The following PTPRQ variants were observed in gnomAD, a reference collection of about 807,000 sequenced individuals.
PTPRQ encodes the protein protein tyrosine phosphatase receptor type Q.
A neutral mutation model predicts 246.0 loss-of-function variants in PTPRQ; 199 were observed. That is an observed-to-expected ratio of 0.81 (90% CI 0.72 to 0.91). PTPRQ has a LOEUF of 0.91. Among genes scored for constraint, PTPRQ ranks in the 40% least tolerant of loss-of-function variants. The pLI is 0.00. For missense variants in PTPRQ, 2,624 were observed against 2,528.4 expected (o/e 1.04, Z -0.81); for synonymous variants, 869 against 853.2 (o/e 1.02, Z -0.32).
At chr12:80,467,763 A>C (rs1371559139) in intron 6 of PTPRQ, among the ~76,000 whole-genome samples, 1 of 151,880 alleles carries the variant, frequency 6.6e-6, no homozygotes, top group African/African-American at 2.4e-5. Flanking sequence ...AAGAACAAAA[A>C]ACCAAACACC....
chr12:80,517,737 A>G (rs1411773246), intron 17 of PTPRQ, among the ~76,000 whole-genome samples: 1 of 152,052 alleles, frequency 6.6e-6, no homozygotes, highest in Non-Finnish European at 1.5e-5. Context: ...AGCATCCACA[A>G]ATAAATGAGA....
intron 25 of PTPRQ, among the ~76,000 whole-genome samples, chr12:80,585,916 A>T (rs1897601552): frequency 8.2e-6 from 1 of 121,808 alleles, no homozygotes; most frequent in Non-Finnish European, 1.6e-5. Flanking sequence ...CCAGAGTGTG[A>T]TGTTCCCCTT....
chr12:80,639,073 CA>C (rs1197868386), intron 35 of PTPRQ, among the ~76,000 whole-genome samples: 1 of 152,180 alleles, frequency 6.6e-6, no homozygotes, highest in African/African-American at 2.4e-5. Context: ...GCAAGATCAG[CA>C]GACACAGACA....
At chr12:80,562,223 A>G (rs1896848908) in intron 25 of PTPRQ, among the ~76,000 whole-genome samples, 1 of 152,150 alleles carries the variant, frequency 6.6e-6, no homozygotes, top group Non-Finnish European at 1.5e-5. Context: ...TTGCATCTAT[A>G]TTTATGAAAA....
Position 80,546,565 on chromosome 12 carries a change from G to T in PTPRQ, c.3883G>T (p.Gly1295Ter). The change falls in exon 24 of 45, where the codon GGA (glycine) becomes TGA (stop). Residue 1295 changes from glycine to a stop codon, truncating the protein, a stop_gained. Coordinates refer to ENST00000644991, the MANE Select transcript of PTPRQ (RefSeq NM_001145026.2). LOFTEE classifies it high-confidence loss of function. ...TDTIYYKNIS[G>*]FKTEAKLVGL... is the part of the protein sequence containing the mutation. ...TTTTTCTGTTTTTCAGAATATATCA[G>T]GATTTAAAACTGAAGCCAAACTTGT... The T allele has an allele frequency of 1.3e-6, 2 of 1,546,318 alleles. No individual in the cohort carries two copies. Among genetic ancestry groups the T allele is most frequent in the African/African-American group, 1.4e-5 (1 of 72,808 alleles).
At chr12:80,492,604 C>T (rs1335184489) in intron 9 of PTPRQ, among the ~76,000 whole-genome samples, 1 of 151,932 alleles carries the variant, frequency 6.6e-6, no homozygotes, top group Non-Finnish European at 1.5e-5. Flanking sequence ...CATCCATAAT[C>T]TGTTCCTGAT....
chr12:80,649,059 G>A (rs1183841049), intron 36 of PTPRQ, 136 bp downstream of exon 36: 1 of 808,042 alleles, frequency 1.2e-6, no homozygotes, highest in Non-Finnish European at 1.8e-6. Flanking sequence ...AATCATAAAA[G>A]CATGACTAAT....
At chr12:80,617,913 G>C (rs1301200728) in intron 30 of PTPRQ, among the ~76,000 whole-genome samples, 1 of 151,282 alleles carries the variant, frequency 6.6e-6, no homozygotes, top group Non-Finnish European at 1.5e-5. Context: ...GAGAATCTCA[G>C]AACTACCTGA....
chr12:80,534,904 C>T lies in PTPRQ; in HGVS notation c.2852C>T (p.Pro951Leu). ...FQTPEGAPSD[P>L]PKDVYYANLS... ...ATTTGTTTTATAGCACCAAGCGATC[C>T]TCCCAAAGATGTTTATTATGCAAAC... Residue 951 changes from proline to leucine, a missense_variant, in exon 19 of 45, where the codon CCT becomes CTT. Coordinates refer to ENST00000644991, the MANE Select transcript of PTPRQ (RefSeq NM_001145026.2). 1 of 1,548,286 alleles carries T rather than the reference C, an allele frequency of 6.5e-7. No homozygotes were observed. The highest frequency in any genetic ancestry group is 8.7e-7 in the Non-Finnish European group (1 of 1,145,658).
rs886463515 is a variant in PTPRQ at position 80,577,773 on chromosome 12, C to A, written c.4286-10356C>A. 3.3e-5 allele frequency among the ~76,000 whole-genome samples: 5 copies of A among 152,128 alleles called. No homozygotes were observed. In the East Asian group the frequency reaches 9.6e-4, roughly 29 times the overall value. ...CAAAACAATTTTAAAATATCTTACT[C>A]CTATTTCATGCACATTGAATACATT... On this transcript the variant is annotated intron_variant, in intron 25 of 44. Coordinates refer to ENST00000644991, the MANE Select transcript of PTPRQ (RefSeq NM_001145026.2).
At chr12:80,572,866 TG>T (rs2120961834) in intron 25 of PTPRQ, among the ~76,000 whole-genome samples, 1 of 152,332 alleles carries the variant, frequency 6.6e-6, no homozygotes, top group African/African-American at 2.4e-5. Flanking sequence ...CTTGATCAGA[TG>T]TGTTATTCTA....
chr12:80,563,890 G>C (rs963828753), intron 25 of PTPRQ, among the ~76,000 whole-genome samples: 2 of 152,114 alleles, frequency 1.3e-5, no homozygotes, highest in African/African-American at 2.4e-5. Flanking sequence ...TGCTAAGAGA[G>C]AGAAGAAGAC....
At chr12:80,468,892 G>C (rs995424608) in intron 7 of PTPRQ, 54 bp downstream of exon 7, 1 of 1,521,298 alleles carries the variant, frequency 6.6e-7, no homozygotes, top group Non-Finnish European at 8.8e-7. Context: ...AATAAAATAT[G>C]TTACCAATAT....
chr12:80,625,067 C>G (rs1167007355), intron 33 of PTPRQ, among the ~76,000 whole-genome samples: 3 of 152,096 alleles, frequency 2.0e-5, no homozygotes, highest in African/African-American at 7.2e-5. Flanking sequence ...GGAAGAAACT[C>G]TAGAAGAACT....
chr12:80,554,677 G>A (rs553778102), intron 25 of PTPRQ, among the ~76,000 whole-genome samples: 1 of 152,276 alleles, frequency 6.6e-6, no homozygotes, highest in African/African-American at 2.4e-5. Context: ...AATCCACTGA[G>A]CTTGCAAATA....
chr12:80,530,503 ACTGT>A (rs1383855192), intron 17 of PTPRQ, among the ~76,000 whole-genome samples: 1 of 152,180 alleles, frequency 6.6e-6, no homozygotes, highest in African/African-American at 2.4e-5. Context: ...CTTTGCTTGC[ACTGT>A]CTAACGAATG....
intron 19 of PTPRQ, among the ~76,000 whole-genome samples, chr12:80,537,743 A>G (rs2062519628): frequency 6.6e-6 from 1 of 152,136 alleles, no homozygotes; most frequent in Admixed American, 6.5e-5. Context: ...ACAGCATATT[A>G]ACTTTTCTAC....
intron 12 of PTPRQ, 138 bp downstream of exon 12, chr12:80,495,509 C>T: frequency 8.6e-7 from 1 of 1,163,774 alleles, no homozygotes; most frequent in Non-Finnish European, 1.1e-6. Context: ...TTTTGTGTCA[C>T]CATGAATCTT....
intron 6 of PTPRQ, chr12:80,462,055 G>T (rs1169652579): frequency 1.3e-5 from 9 of 697,696 alleles, no homozygotes; most frequent in Non-Finnish European, 2.1e-5. Context: ...CCGAAGCAGG[G>T]CGAGGCATTG....
Sources: gnomAD v4.1 joint callset for allele counts (sites outside exome capture counted in the v4.1 genomes callset) on GRCh38, gnomAD v4.1.1 for gene constraint, MANE v1.5 for transcripts, NCBI Gene and HGNC (gene_info 2026-07-23, HGNC 2026-07-21) for gene names.